RPS6KC1: variants seen among roughly 807,000 people sequenced by gnomAD.
The protein encoded by RPS6KC1 is inactive ribosomal protein S6 kinase delta-1.
In RPS6KC1, 54 loss-of-function variants were observed where a neutral mutation model predicts 103.8. The observed-to-expected ratio is 0.52, with a 90% CI of 0.42 to 0.65. RPS6KC1 has a LOEUF of 0.65. RPS6KC1 is among the 30% of genes least tolerant of loss of function. The pLI is 0.00. For synonymous variants in RPS6KC1, 439 were observed against 438.7 expected (o/e 1.00, Z -0.01); for missense variants, 1,151 against 1,253.8 (o/e 0.92, Z 1.24).
At chr1:213,411,945 C>T in the RPS6KC1 span, among the ~76,000 whole-genome samples, 3 of 152,154 alleles carry the variant, frequency 2.0e-5, no homozygotes, top group African/African-American at 7.2e-5. Context: ...GTTGGTTATG[C>T]TGCAGATTAG....
chr1:213,676,469 C>T, the RPS6KC1 span, among the ~76,000 whole-genome samples: 6,966 of 152,220 alleles, frequency 0.046, 534 homozygotes, highest in African/African-American at 0.16. Flanking sequence ...GGAGAAGTCC[C>T]GTGTCAGACG....
At position 213,219,336 on chromosome 1, in the gene RPS6KC1, G is replaced by A. The variant is rs1032348359; in HGVS notation, c.1045-11161G>A. ...ACCATCTCACACCAGTTACAATGGC[G>A]ATCATTAAAAAGTCAGGAAACAACA... is the stretch of plus-strand genomic sequence containing the variant. On this transcript the variant is annotated intron_variant, in intron 8 of 14. Coordinates refer to ENST00000366960, the MANE Select transcript of RPS6KC1 (RefSeq NM_012424.6). 7.9e-5 allele frequency among the ~76,000 whole-genome samples: 12 copies of A among 152,142 alleles called. No homozygotes were observed. In the South Asian group the frequency reaches 1.9e-3, roughly 24 times the overall value.
intron 3 of RPS6KC1, among the ~76,000 whole-genome samples, chr1:213,080,942 C>G (rs903751419): frequency 6.6e-6 from 1 of 152,182 alleles, no homozygotes; most frequent in African/African-American, 2.4e-5. Flanking sequence ...TTTTGTTCTG[C>G]AAGGTTCAAT....
the RPS6KC1 span, among the ~76,000 whole-genome samples, chr1:213,360,275 TA>T: frequency 2.6e-5 from 4 of 152,210 alleles, no homozygotes; most frequent in Non-Finnish European, 5.9e-5. Flanking sequence ...CTTTTTTCTC[TA>T]AACTTCTCTT....
At chr1:213,417,730 A>C in the RPS6KC1 span, among the ~76,000 whole-genome samples, 1 of 152,158 alleles carries the variant, frequency 6.6e-6, no homozygotes, top group Non-Finnish European at 1.5e-5. Context: ...TTCAGCCAGG[A>C]CTAGGGAGAA....
intron 7 of RPS6KC1, 120 bp downstream of exon 7, chr1:213,168,093 C>T (rs987828478): frequency 1.0e-5 from 6 of 574,316 alleles, no homozygotes; most frequent in Non-Finnish European, 1.8e-5. Flanking sequence ...TAATGATTTT[C>T]ATAAAGGTTG....
the RPS6KC1 span, among the ~76,000 whole-genome samples, chr1:213,285,584 C>T: frequency 6.6e-6 from 1 of 152,034 alleles, no homozygotes; most frequent in African/African-American, 2.4e-5. Context: ...AATAGAACTG[C>T]TTTTCTTAAT....
the RPS6KC1 span, among the ~76,000 whole-genome samples, chr1:213,323,614 T>C: frequency 6.6e-6 from 1 of 152,324 alleles, no homozygotes; most frequent in East Asian, 1.9e-4. Flanking sequence ...CCATAGAAAC[T>C]TATCAAGTCC....
chr1:213,401,485 G>C, the RPS6KC1 span, among the ~76,000 whole-genome samples: 1,145 of 152,316 alleles, frequency 7.5e-3, 21 homozygotes, highest in African/African-American at 0.026. Flanking sequence ...CCCCCTGGCC[G>C]GTGGAGTGTG....
the RPS6KC1 span, among the ~76,000 whole-genome samples, chr1:213,709,627 A>G: frequency 1.3e-5 from 2 of 151,668 alleles, no homozygotes; most frequent in Admixed American, 1.3e-4. Context: ...TCAATTTTAG[A>G]TCTTTCCCAC....
rs1307210351 is a variant in RPS6KC1 at position 213,129,884 on chromosome 1, T to C, written c.830T>C (p.Val277Ala). Residue 277 changes from valine to alanine, a missense_variant, in exon 6 of 15, where the codon GTT (valine) becomes GCT (alanine). Physicochemically the swap from Val to Ala is moderately conservative, Grantham distance 64 (BLOSUM62 0). Transcript: ENST00000366960. ...RKGVDLLLEG[V>A]QGESSPTRRE... is the part of the protein sequence containing the mutation. ...GGAGTTGATTTACTCCTAGAAGGTG[T>C]TCAAGGTATGGTTTTATGTATATTA... 1 of 1,594,100 alleles carries C rather than the reference T, an allele frequency of 6.3e-7. No homozygotes were observed. Among genetic ancestry groups the C allele is most frequent in the African/African-American group, 1.4e-5 (1 of 73,380 alleles).
intron 8 of RPS6KC1, among the ~76,000 whole-genome samples, chr1:213,203,200 A>G (rs1235882307): frequency 6.6e-6 from 1 of 152,114 alleles, no homozygotes; most frequent in Non-Finnish European, 1.5e-5. Context: ...TGTATTATAT[A>G]TATTTACTGG....
the RPS6KC1 span, among the ~76,000 whole-genome samples, chr1:213,383,545 G>T: frequency 2.6e-5 from 4 of 152,180 alleles, no homozygotes; most frequent in Admixed American, 2.6e-4. Flanking sequence ...TTAATTGGGA[G>T]GTATTATGGA....
chr1:213,587,247 C>T, the RPS6KC1 span, among the ~76,000 whole-genome samples: 3 of 151,948 alleles, frequency 2.0e-5, no homozygotes, highest in South Asian at 6.3e-4. Flanking sequence ...CGGTGGGGGC[C>T]AGAGACCCAA....
the RPS6KC1 span, among the ~76,000 whole-genome samples, chr1:213,485,297 A>G: frequency 6.6e-6 from 1 of 152,182 alleles, no homozygotes; most frequent in Non-Finnish European, 1.5e-5. Context: ...TGTGGGATTT[A>G]TCTACCAACT....
At chr1:213,507,880 A>G in the RPS6KC1 span, among the ~76,000 whole-genome samples, 5 of 152,234 alleles carry the variant, frequency 3.3e-5, no homozygotes, top group Non-Finnish European at 7.3e-5. Flanking sequence ...CCTGTAAATC[A>G]GAGCTTTAAA....
At chr1:213,380,795 T>A in the RPS6KC1 span, among the ~76,000 whole-genome samples, 1 of 152,198 alleles carries the variant, frequency 6.6e-6, no homozygotes, top group East Asian at 1.9e-4. Flanking sequence ...CTCGTCTCAG[T>A]ATTTCCGCCA....
At position 213,271,376 on chromosome 1, in the gene RPS6KC1, T is replaced by C. The variant is rs372811111; in HGVS notation, c.3091-1148T>C. ...ATGAAATGTTCAGAAAGGGCAACTT[T>C]ATAGAGACAAAAGGCAGGTCAGTGG... is the stretch of plus-strand genomic sequence containing the variant. On this transcript the variant is annotated intron_variant, in intron 14 of 14. Coordinates refer to ENST00000366960, the MANE Select transcript of RPS6KC1 (RefSeq NM_012424.6). Among the ~76,000 whole-genome samples, 86 of 152,284 alleles carry C rather than the reference T, an allele frequency of 5.6e-4. 1 individual carries two copies. The highest frequency in any genetic ancestry group is 1.3e-3 in the East Asian group (7 of 5,186).
chr1:213,323,520 A>T, the RPS6KC1 span, among the ~76,000 whole-genome samples: 1 of 152,156 alleles, frequency 6.6e-6, no homozygotes, highest in Non-Finnish European at 1.5e-5. Context: ...TTCCGTGATC[A>T]TTTCAACTGA....
Sources: allele counts gnomAD v4.1 joint callset (sites outside exome capture counted in the v4.1 genomes callset), GRCh38; gene constraint gnomAD v4.1.1; transcripts MANE v1.5; gene names NCBI Gene and HGNC (gene_info 2026-07-23, HGNC 2026-07-21).